The following MACROD2 variants were observed in gnomAD, a reference collection of about 807,000 sequenced individuals.
The protein encoded by MACROD2 is mono-ADP ribosylhydrolase 2.
MACROD2 carries 36 observed loss-of-function variants against 70.4 expected under a neutral mutation model. The ratio of observed to expected loss-of-function variants is 0.51; its 90% CI spans 0.39 to 0.68. The LOEUF (loss-of-function observed/expected upper bound fraction) is 0.68. Among genes scored for constraint, MACROD2 ranks in the 30% least tolerant of loss-of-function variants. The pLI, the probability that MACROD2 is intolerant of heterozygous loss-of-function variation, is 0.00. For missense variants in MACROD2, 496 were observed against 538.4 expected, an observed-to-expected ratio of 0.92 and a Z score of 0.78; for synonymous variants, 172 against 178.8, an observed-to-expected ratio of 0.96 and a Z score of 0.30.
At chr20:14,985,086 G>T (rs2074836551) in intron 5 of MACROD2, among the ~76,000 whole-genome samples, 1 of 152,154 alleles carries the variant, frequency 6.6e-6, no homozygotes, top group Non-Finnish European at 1.5e-5. Flanking sequence ...CTTCTAAGGG[G>T]TGGAAGGAAT....
chr20:14,980,344 C>T (rs892526409), intron 5 of MACROD2, among the ~76,000 whole-genome samples: 2 of 152,116 alleles, frequency 1.3e-5, no homozygotes, highest in Non-Finnish European at 2.9e-5. Context: ...GCCCCCTCCC[C>T]ACATGATGCC....
intron 5 of MACROD2, among the ~76,000 whole-genome samples, chr20:15,118,423 C>T (rs1401070073): frequency 3.3e-5 from 5 of 152,002 alleles, no homozygotes; most frequent in Non-Finnish European, 5.9e-5. Context: ...GATCTCTTGA[C>T]CTCATGATCC....
chr20:14,401,106 C>T (rs1353414760), intron 3 of MACROD2, among the ~76,000 whole-genome samples: 1 of 152,126 alleles, frequency 6.6e-6, no homozygotes, highest in African/African-American at 2.4e-5. Flanking sequence ...ATCAATTAAT[C>T]ATTCCATAAA....
At chr20:14,478,115 A>G (rs1226549936) in intron 3 of MACROD2, among the ~76,000 whole-genome samples, 3 of 152,204 alleles carry the variant, frequency 2.0e-5, no homozygotes, top group Non-Finnish European at 4.4e-5. Context: ...GAAAGAATGG[A>G]AAAGGAGGCA....
At chr20:15,629,691 T>G (rs2049260341) in intron 8 of MACROD2, among the ~76,000 whole-genome samples, 3 of 152,196 alleles carry the variant, frequency 2.0e-5, no homozygotes, top group Admixed American at 2.0e-4. Flanking sequence ...GAAAACTTGT[T>G]GAATTTTGGA....
At chr20:15,322,759 A>C (rs540474049) in intron 6 of MACROD2, among the ~76,000 whole-genome samples, 8 of 144,310 alleles carry the variant, frequency 5.5e-5, no homozygotes, top group Admixed American at 2.1e-4. Flanking sequence ...GTTGTATGAG[A>C]CTTCAGGGAT....
chr20:14,162,757 A>G (rs900521387), intron 3 of MACROD2, among the ~76,000 whole-genome samples: 3 of 152,118 alleles, frequency 2.0e-5, no homozygotes, highest in Non-Finnish European at 4.4e-5. Context: ...CTTTACAGGA[A>G]AGATGAGTTA....
intron 6 of MACROD2, among the ~76,000 whole-genome samples, chr20:15,260,096 T>C (rs556563020): frequency 6.6e-6 from 1 of 151,990 alleles, no homozygotes; most frequent in African/African-American, 2.4e-5. Context: ...GTAATTGGGA[T>C]ATCCAATTAC....
intron 8 of MACROD2, among the ~76,000 whole-genome samples, chr20:15,814,222 C>A (rs1007202589): frequency 1.3e-5 from 2 of 152,318 alleles, no homozygotes; most frequent in East Asian, 3.9e-4. Flanking sequence ...TTTTTAGCTT[C>A]CAGTATCTGC....
At chr20:14,556,225 A>C (rs1473771027) in intron 4 of MACROD2, among the ~76,000 whole-genome samples, 4 of 151,998 alleles carry the variant, frequency 2.6e-5, no homozygotes, top group African/African-American at 9.7e-5. Flanking sequence ...GTTCCACCAA[A>C]ATGGAGTAGC....
At position 14,871,639 on chromosome 20, in the gene MACROD2, A is replaced by G. The variant is rs188639734; in HGVS notation, c.418+186680A>G. 2.1e-3 allele frequency among the ~76,000 whole-genome samples: 325 copies of G among 152,246 alleles called. 1 individual carries two copies. Among genetic ancestry groups the G allele is most frequent in the Non-Finnish European group, 4.1e-3 (278 of 68,012 alleles). Reference sequence around the variant, plus strand: ...AAGTCTGAAAAATAACCAGCTAACAACATAATGACAGGATCAAATATATAC... The same window carrying G: ...AAGTCTGAAAAATAACCAGCTAACAGCATAATGACAGGATCAAATATATAC... On this transcript the variant is annotated intron_variant, in intron 5 of 17. Coordinates refer to ENST00000684519, the MANE Select transcript of MACROD2 (RefSeq NM_001351661.2).
rs112483802 is a variant in MACROD2, at chr20:14,832,316, T to G, written c.418+147357T>G. Among the ~76,000 whole-genome samples, 1,475 of 152,050 alleles carry G rather than the reference T, an allele frequency of 9.7e-3. 25 individuals carry two copies. The highest frequency in any genetic ancestry group is 0.034 in the African/African-American group (1,402 of 41,464). ...TCAGGCTGAGAAAGAAACAGAACAG[T>G]GTCAGAAGCCAACCAGTCAGGTGAA... On this transcript the variant is annotated intron_variant, in intron 5 of 17. Coordinates refer to ENST00000684519, the MANE Select transcript of MACROD2 (RefSeq NM_001351661.2).
chr20:14,433,164 G>T (rs968060178), intron 3 of MACROD2, among the ~76,000 whole-genome samples: 1 of 152,044 alleles, frequency 6.6e-6, no homozygotes, highest in Non-Finnish European at 1.5e-5. Flanking sequence ...TACCTGCCTT[G>T]GAGGAAATTG....
intron 5 of MACROD2, among the ~76,000 whole-genome samples, chr20:14,999,367 T>A (rs1399973078): frequency 1.3e-5 from 2 of 152,178 alleles, no homozygotes; most frequent in African/African-American, 4.8e-5. Context: ...GTATAATATG[T>A]GAACATATAG....
At chr20:15,418,131 T>C (rs2046180602) in intron 6 of MACROD2, among the ~76,000 whole-genome samples, 1 of 152,204 alleles carries the variant, frequency 6.6e-6, no homozygotes, top group South Asian at 2.1e-4. Flanking sequence ...TCACCCAGTC[T>C]GGGGATAAGA....
intron 8 of MACROD2, among the ~76,000 whole-genome samples, chr20:15,557,523 A>C (rs2048183726): frequency 6.6e-6 from 1 of 152,234 alleles, no homozygotes. Context: ...CAGATTTAGC[A>C]AGCTTACCAT....
intron 7 of MACROD2, among the ~76,000 whole-genome samples, chr20:15,455,242 C>T (rs934535136): frequency 1.3e-5 from 2 of 152,174 alleles, no homozygotes; most frequent in South Asian, 2.1e-4. Context: ...GCAGAACACT[C>T]AGCATTCCTT....
intron 9 of MACROD2, among the ~76,000 whole-genome samples, chr20:15,880,261 C>T (rs2064735590): frequency 6.6e-6 from 1 of 152,088 alleles, no homozygotes; most frequent in Non-Finnish European, 1.5e-5. Flanking sequence ...TGCAATTTCT[C>T]AGATAACTCT....
chr20:15,550,088 A>G (rs1014667837), intron 8 of MACROD2, among the ~76,000 whole-genome samples: 1 of 152,008 alleles, frequency 6.6e-6, no homozygotes, highest in Non-Finnish European at 1.5e-5. Flanking sequence ...TTTTGTTAAT[A>G]GAGTATCTTT....
Sources: allele counts gnomAD v4.1 joint callset (sites outside exome capture counted in the v4.1 genomes callset), GRCh38; gene constraint gnomAD v4.1.1; transcripts MANE v1.5; gene names NCBI Gene and HGNC (gene_info 2026-07-23, HGNC 2026-07-21).